Variants in TRH observed in about 807,000 individuals in gnomAD.
TRH encodes the protein thyrotropin releasing hormone, also known as TSH-releasing factor.
TRH carries 5 observed loss-of-function variants against 5.2 expected under a neutral mutation model. The observed-to-expected ratio is 0.95, with a 90% CI of 0.50 to 2.00. The LOEUF is 2.00. Among genes scored for constraint, TRH ranks in the 30% most tolerant of loss-of-function variants. The probability of loss-of-function intolerance (pLI) is 0.01; values close to 1 mark genes in which losing one functional copy is unlikely to be tolerated. For synonymous variants in TRH, 131 were observed against 128.6 expected, an observed-to-expected ratio of 1.02 and a Z score of -0.13; for missense variants, 318 against 312.8, an observed-to-expected ratio of 1.02 and a Z score of -0.13.
chr3:129,975,736 C>A (rs2062538721), intron 1 of TRH, 73 bp from the exon 2 acceptor site: 2 of 1,428,574 alleles, frequency 1.4e-6, no homozygotes, highest in Admixed American at 2.2e-5. Flanking sequence ...TTGTTTCTGG[C>A]GGGCGTCGGG....
Position 129,976,763 on chromosome 3 carries a change from G to A in TRH, c.276G>A (p.Glu92=). Residue 92 remains glutamate (E), a synonymous_variant, in exon 3 of 3, where the codon GAG becomes GAA. Coordinates refer to ENST00000302649, the MANE Select transcript of TRH (RefSeq NM_007117.5). ...AGCATCCAGGCAAAAGAGAGGAGGA[G>A]GAGGAAGAGGGAGTTGAAGAAGAGG... The part of the protein sequence containing the change: ...KRQHPGKREE[E]EEEGVEEEEE... 1 of 1,614,102 alleles carries A rather than the reference G, an allele frequency of 6.2e-7. No homozygotes were observed. Among genetic ancestry groups the A allele is most frequent in the Non-Finnish European group, 8.5e-7 (1 of 1,180,020 alleles).
In TRH at chr3:129,976,888, G is replaced by A. The variant is rs766589115; in HGVS notation, c.401G>A (p.Arg134Gln). Residue 134 changes from arginine (R) to glutamine (Q), a missense_variant, in exon 3 of 3, where the codon CGG becomes CAG. Coordinates refer to ENST00000302649, the MANE Select transcript of TRH (RefSeq NM_007117.5). ...SWSVDVTQHK[R>Q]QHPGRRSPWL... ...TCAGTCGATGTAACCCAGCACAAGC[G>A]GCAGCATCCTGGCCGGCGCTCCCCC... The A allele has an allele frequency of 9.9e-6, 16 of 1,613,310 alleles. No individual in the cohort carries two copies. The highest frequency in any genetic ancestry group is 2.2e-5 in the South Asian group (2 of 91,060).
Position 129,977,419 on chromosome 3 carries a change from T to G in TRH, c.*203T>G, listed in dbSNP as rs2062552521. 1.6e-6 allele frequency: 1 copy of G among 609,806 alleles called. No individual in the cohort carries two copies. Among genetic ancestry groups the G allele is most frequent in the Non-Finnish European group, 2.5e-6 (1 of 401,990 alleles). 37.8% of individuals were successfully genotyped at this position (609,806 alleles called of 1,614,324 possible). On this transcript the variant is annotated 3_prime_UTR_variant, in exon 3 of 3. Coordinates refer to ENST00000302649, the MANE Select transcript of TRH (RefSeq NM_007117.5). The stretch of plus-strand genomic sequence containing the variant: ...ATGTGAGAAAATCAGCCTAGCAGTT[T>G]AAACCCCACTTTCCTCCACTTAGCA...
rs2062545970 is a variant in TRH, at chr3:129,976,736, T to C, written c.249T>C (p.Arg83=). The change falls in exon 3 of 3, where the codon CGT becomes CGC. Residue 83 remains arginine, a synonymous_variant. Coordinates refer to ENST00000302649, the MANE Select transcript of TRH (RefSeq NM_007117.5). ...TTCAATCTGACTGGCTCTCCAAACG[T>C]CAGCATCCAGGCAAAAGAGAGGAGG... The part of the protein sequence containing the change: ...QIFQSDWLSK[R]QHPGKREEEE... 1 of 1,613,466 alleles carries C rather than the reference T, an allele frequency of 6.2e-7. No individual in the cohort carries two copies. The highest frequency in any genetic ancestry group is 8.5e-7 in the Non-Finnish European group (1 of 1,179,868).
Position 129,975,996 on chromosome 3 carries a change from G to A in TRH, c.180G>A (p.Gln60=). 1 of 1,614,154 alleles carries A rather than the reference G, an allele frequency of 6.2e-7. No individual in the cohort carries two copies. Among genetic ancestry groups the A allele is most frequent in the Non-Finnish European group, 8.5e-7 (1 of 1,179,992 alleles). The part of the protein sequence containing the change: ...ERLLFLRENI[Q]RLQGDQGEHS... ...TCCTCTTCCTCCGGGAAAACATCCA[G>A]CGGCTGCAAGGGGACCAGGGTGAGC... The change falls in exon 2 of 3, where the codon CAG becomes CAA. Residue 60 remains glutamine (Q), a synonymous_variant. Transcript: ENST00000302649.
At position 129,975,999 on chromosome 3, in the gene TRH, G is replaced by A. The variant is rs1577288368; in HGVS notation, c.183G>A (p.Arg61=). 1 of 1,614,134 alleles carries A rather than the reference G, an allele frequency of 6.2e-7. No homozygotes were observed. Among genetic ancestry groups the A allele is most frequent in the East Asian group, 2.2e-5 (1 of 44,880 alleles). Residue 61 remains arginine (R), a synonymous_variant, in exon 2 of 3, where the codon CGG becomes CGA. Transcript: ENST00000302649. ...RLLFLRENIQ[R]LQGDQGEHSA... ...TCTTCCTCCGGGAAAACATCCAGCGGCTGCAAGGGGACCAGGGTGAGCACT... is the reference window on the plus strand; with the variant it reads ...TCTTCCTCCGGGAAAACATCCAGCGACTGCAAGGGGACCAGGGTGAGCACT...
chr3:129,975,033 C>G (rs939665616), intron 1 of TRH, among the ~76,000 whole-genome samples: 1 of 152,146 alleles, frequency 6.6e-6, no homozygotes, highest in Non-Finnish European at 1.5e-5. Flanking sequence ...ATCGGAGGCT[C>G]TCGCTGCTGG....
rs2062552283 is a variant in TRH at position 129,977,370 on chromosome 3, T to C, written c.*154T>C. The C allele has an allele frequency of 2.9e-6, 3 of 1,024,490 alleles. No homozygotes were observed. The highest frequency in any genetic ancestry group is 3.9e-6 in the Non-Finnish European group (3 of 770,610). The allele number at this position is 1,024,490 out of a possible 1,614,324, so 63.5% of individuals were successfully genotyped here. A position where few individuals can be genotyped will look rare whatever the true frequency, so the allele number is the denominator to read the frequency against. ...CCATATTCACACACATCCCAGCCCC[T>C]GGCCTTGCCCTCTTCCTTTAGGCAT... On this transcript the variant is annotated 3_prime_UTR_variant, in exon 3 of 3. Coordinates refer to ENST00000302649, the MANE Select transcript of TRH (RefSeq NM_007117.5).
chr3:129,976,251 T>G (rs897253524), intron 2 of TRH, among the ~76,000 whole-genome samples: 5 of 152,236 alleles, frequency 3.3e-5, no homozygotes, highest in African/African-American at 1.2e-4. Context: ...GAGCAGGCCC[T>G]GGGTGGGGAA....
At position 129,976,009 on chromosome 3, in the gene TRH, G is replaced by T; in HGVS notation, c.193G>T (p.Asp65Tyr). 3 of 1,614,076 alleles carry T rather than the reference G, an allele frequency of 1.9e-6. No homozygotes were observed. Among genetic ancestry groups the T allele is most frequent in the Non-Finnish European group, 2.5e-6 (3 of 1,179,972 alleles). Residue 65 changes from aspartate to tyrosine, a missense_variant, in exon 2 of 3, where the codon GAC (aspartate) becomes TAC (tyrosine). Physicochemically the swap from Asp to Tyr is radical, Grantham distance 160. Coordinates refer to ENST00000302649, the MANE Select transcript of TRH (RefSeq NM_007117.5). ...LRENIQRLQG[D>Y]QGEHSASQIF... ...GGAAAACATCCAGCGGCTGCAAGGG[G>T]ACCAGGGTGAGCACTCCGGTGAGTG...
rs941740512 is a variant in TRH, at chr3:129,977,303, G to A, written c.*87G>A. The A allele has an allele frequency of 2.1e-6, 3 of 1,426,830 alleles. No homozygotes were observed. Among genetic ancestry groups the A allele is most frequent in the South Asian group, 1.7e-5 (1 of 60,072 alleles). The allele number at this position is 1,426,830 out of a possible 1,614,324, so 88.4% of individuals were successfully genotyped here. ...CCATTCATGACCTCTGTATTCTCTA[G>A]TTAGATCCCTGACCATAAGCCTGAG... On this transcript the variant is annotated 3_prime_UTR_variant, in exon 3 of 3. Transcript: ENST00000302649.
At chr3:129,975,731 T>G in intron 1 of TRH, 78 bp from the exon 2 acceptor site, 2 of 1,422,808 alleles carry the variant, frequency 1.4e-6, no homozygotes, top group South Asian at 2.8e-5. Context: ...GTGGTTTGTT[T>G]CTGGCGGGCG....
rs761168863 is a variant in TRH at position 129,976,933 on chromosome 3, C to T, written c.446C>T (p.Pro149Leu). The change falls in exon 3 of 3, where the codon CCG becomes CTG. Residue 149 changes from proline to leucine, a missense_variant. By Grantham distance (98) the Pro-to-Leu change is moderately conservative. Coordinates refer to ENST00000302649, the MANE Select transcript of TRH (RefSeq NM_007117.5). The part of the protein sequence containing the change: ...RRSPWLAYAV[P>L]KRQHPGRRLA... ...TCCCCCTGGCTTGCATATGCTGTCC[C>T]GAAGCGGCAGCACCCAGGCAGAAGG... 1.4e-5 allele frequency: 23 copies of T among 1,613,300 alleles called. No homozygotes were observed. The highest frequency in any genetic ancestry group is 1.1e-4 in the East Asian group (5 of 44,788).
In TRH at chr3:129,977,323, C is replaced by T; in HGVS notation, c.*107C>T. On this transcript the variant is annotated 3_prime_UTR_variant, in exon 3 of 3. Coordinates refer to ENST00000302649, the MANE Select transcript of TRH (RefSeq NM_007117.5). The stretch of plus-strand genomic sequence containing the variant: ...CTCTAGTTAGATCCCTGACCATAAG[C>T]CTGAGCCCCTCCCTCCCAGCCCCAT... 7.4e-7 allele frequency: 1 copy of T among 1,351,174 alleles called. No individual in the cohort carries two copies. The highest frequency in any genetic ancestry group is 9.6e-7 in the Non-Finnish European group (1 of 1,040,880). 83.7% of individuals were successfully genotyped at this position (1,351,174 alleles called of 1,614,324 possible).
In TRH at chr3:129,976,784, A is replaced by G; in HGVS notation, c.297A>G (p.Glu99=). Residue 99 remains glutamate (E), a synonymous_variant, in exon 3 of 3, where the codon GAA becomes GAG. Coordinates refer to ENST00000302649, the MANE Select transcript of TRH (RefSeq NM_007117.5). ...AGGAGGAGGAAGAGGGAGTTGAAGA[A>G]GAGGAAGAGGAAGAAGGGGGGGCTG... The part of the protein sequence containing the change: ...REEEEEEGVE[E]EEEEEGGAVG... 6.2e-7 allele frequency: 1 copy of G among 1,613,362 alleles called. No homozygotes were observed. Among genetic ancestry groups the G allele is most frequent in the Non-Finnish European group, 8.5e-7 (1 of 1,179,828 alleles).
rs375227965 is a variant in TRH, at chr3:129,975,877, G to A, written c.61G>A (p.Gly21Ser). 4 of 1,612,802 alleles carry A rather than the reference G, an allele frequency of 2.5e-6. No individual in the cohort carries two copies. The highest frequency in any genetic ancestry group is 3.4e-6 in the Non-Finnish European group (4 of 1,179,828). ...ALTLNLTGVP[G>S]GRAQPEAAQQ... ...GACCCTGAACCTGACCGGTGTCCCC[G>A]GCGGCCGTGCTCAGCCAGAGGCGGC... The change falls in exon 2 of 3, where the codon GGC (glycine) becomes AGC (serine). Residue 21 changes from glycine to serine, a missense_variant. Physicochemically the swap from Gly to Ser is moderately conservative, Grantham distance 56. Coordinates refer to ENST00000302649, the MANE Select transcript of TRH (RefSeq NM_007117.5).
rs2062548371 is a variant in TRH, at chr3:129,976,900, G to A, written c.413G>A (p.Gly138Asp). ...DVTQHKRQHP[G>D]RRSPWLAYAV... is the part of the protein sequence containing the mutation. ...ACCCAGCACAAGCGGCAGCATCCTGGCCGGCGCTCCCCCTGGCTTGCATAT... is the reference window on the plus strand; with the variant it reads ...ACCCAGCACAAGCGGCAGCATCCTGACCGGCGCTCCCCCTGGCTTGCATAT... Residue 138 changes from glycine (G) to aspartate (D), a missense_variant, in exon 3 of 3, where the codon GGC (glycine) becomes GAC (aspartate). Physicochemically the swap from Gly to Asp is moderately conservative, Grantham distance 94 (BLOSUM62 -1). Transcript: ENST00000302649. The A allele has an allele frequency of 6.2e-7, 1 of 1,613,830 alleles. No homozygotes were observed. The highest frequency in any genetic ancestry group is 1.1e-5 in the South Asian group (1 of 91,060).
In TRH at chr3:129,976,000, C is replaced by T; in HGVS notation, c.184C>T (p.Leu62=). Reference sequence around the variant, plus strand: ...CTTCCTCCGGGAAAACATCCAGCGGCTGCAAGGGGACCAGGGTGAGCACTC... The same window carrying T: ...CTTCCTCCGGGAAAACATCCAGCGGTTGCAAGGGGACCAGGGTGAGCACTC... The part of the protein sequence containing the change: ...LLFLRENIQR[L]QGDQGEHSAS... Residue 62 remains leucine, a synonymous_variant, in exon 2 of 3, where the codon CTG becomes TTG. Transcript: ENST00000302649. 1 of 1,614,128 alleles carries T rather than the reference C, an allele frequency of 6.2e-7. No homozygotes were observed. The highest frequency in any genetic ancestry group is 1.1e-5 in the South Asian group (1 of 91,080).
At chr3:129,975,645 G>A (rs1024213765) in intron 1 of TRH, among the ~76,000 whole-genome samples, 164 bp from the exon 2 acceptor site, 4 of 152,220 alleles carry the variant, frequency 2.6e-5, no homozygotes, top group Admixed American at 6.5e-5. Flanking sequence ...ACGCAGAGCC[G>A]GGGCGAACCC....
Sources: gnomAD v4.1 joint callset for allele counts (sites outside exome capture counted in the v4.1 genomes callset) on GRCh38, gnomAD v4.1.1 for gene constraint, MANE v1.5 for transcripts, NCBI Gene and HGNC (gene_info 2026-07-23, HGNC 2026-07-21) for gene names.